Variants in DRAM2 observed in about 807,000 individuals in gnomAD.
The protein encoded by DRAM2 is DNA damage regulated autophagy modulator 2, also known as DNA damage-regulated autophagy modulator protein 2.
In DRAM2, 26 loss-of-function variants were observed where a neutral mutation model predicts 33.5. That is an observed-to-expected ratio of 0.78 (90% CI 0.57 to 1.08). The LOEUF is 1.08. Ranked by LOEUF, DRAM2 falls within the 50% of genes least tolerant of loss-of-function variation. DRAM2 has a pLI of 0.00. For missense variants in DRAM2, 311 were observed against 318.1 expected, an observed-to-expected ratio of 0.98 and a Z score of 0.17; for synonymous variants, 98 against 109.5, an observed-to-expected ratio of 0.89 and a Z score of 0.66.
intron 3 of DRAM2, among the ~76,000 whole-genome samples, chr1:111,133,737 A>G (rs970269489): frequency 5.3e-5 from 8 of 152,350 alleles, no homozygotes; most frequent in African/African-American, 2.4e-5. Flanking sequence ...CTAGTGCCCA[A>G]TCAACTATGC....
chr1:111,132,921 C>T (rs1652395796), intron 3 of DRAM2, among the ~76,000 whole-genome samples: 1 of 151,966 alleles, frequency 6.6e-6, no homozygotes. Context: ...CTCAAGAAAT[C>T]CTCCCACTTC....
chr1:111,139,227 T>C (rs548552914), intron 2 of DRAM2: 5 of 152,312 alleles, frequency 3.3e-5, no homozygotes, highest in Admixed American at 3.3e-4. Flanking sequence ...AGAGTTGCAT[T>C]TGGTTACTGA....
chr1:111,121,094 T>C (rs1649961454), intron 6 of DRAM2, among the ~76,000 whole-genome samples: 1 of 151,986 alleles, frequency 6.6e-6, no homozygotes, highest in South Asian at 2.1e-4. Context: ...ACTTCAGAAA[T>C]AAGGAAATTC....
intron 7 of DRAM2, 66 bp downstream of exon 7, chr1:111,120,450 G>C (rs1200664364): frequency 2.5e-5 from 13 of 528,864 alleles, no homozygotes; most frequent in Non-Finnish European, 3.4e-5. Context: ...TGCACCAATA[G>C]TGTTTACTTA....
chr1:111,139,795 A>G (rs2101173198), intron 1 of DRAM2, 129 bp from the exon 2 acceptor site: 1 of 152,884 alleles, frequency 6.5e-6, no homozygotes, highest in East Asian at 1.9e-4. Context: ...AGCTGCACTC[A>G]TCCCCGCCCC....
chr1:111,131,059 A>G (rs1202422944), intron 4 of DRAM2, among the ~76,000 whole-genome samples: 2 of 152,036 alleles, frequency 1.3e-5, no homozygotes, highest in African/African-American at 2.4e-5. Context: ...ATATTAAGAC[A>G]TGTTTGTCAT....
chr1:111,120,903 A>G (rs1649925858), intron 6 of DRAM2, among the ~76,000 whole-genome samples: 1 of 152,102 alleles, frequency 6.6e-6, no homozygotes, highest in East Asian at 1.9e-4. Context: ...AAACTATTTC[A>G]TATACCTCCA....
intron 4 of DRAM2, among the ~76,000 whole-genome samples, chr1:111,131,017 A>C (rs558451697): frequency 6.6e-6 from 1 of 152,294 alleles, no homozygotes; most frequent in Non-Finnish European, 1.5e-5. Flanking sequence ...ATCTCCAAAA[A>C]AAAAAAGAAA....
At chr1:111,119,851 T>G (rs1557881992) in intron 8 of DRAM2, 26 bp downstream of exon 8, 1 of 1,571,958 alleles carries the variant, frequency 6.4e-7, no homozygotes, top group Non-Finnish European at 8.7e-7. Context: ...AATATAAAAC[T>G]AAGTTTATAG....
chr1:111,131,645 G>A (rs1652110566), intron 3 of DRAM2, 77 bp from the exon 4 acceptor site: 1 of 1,415,440 alleles, frequency 7.1e-7, no homozygotes, highest in Non-Finnish European at 9.7e-7. Context: ...CATGCCCACA[G>A]CCTTGTACTT....
intron 3 of DRAM2, among the ~76,000 whole-genome samples, chr1:111,134,871 A>G (rs947040896): frequency 2.6e-5 from 4 of 152,092 alleles, no homozygotes; most frequent in African/African-American, 9.6e-5. Context: ...TGTTTTTTCC[A>G]GACAGTATGG....
chr1:111,128,369 GA>G (rs1448284711), intron 4 of DRAM2, among the ~76,000 whole-genome samples: 1 of 151,982 alleles, frequency 6.6e-6, no homozygotes, highest in Admixed American at 6.6e-5. Flanking sequence ...TTCATTAGCA[GA>G]AAAATCAAAA....
chr1:111,124,281 C>T (rs1398193527), intron 6 of DRAM2, among the ~76,000 whole-genome samples: 1 of 152,154 alleles, frequency 6.6e-6, no homozygotes, highest in South Asian at 2.1e-4. Flanking sequence ...ACAGTTCTTC[C>T]TTTCATTTCC....
chr1:111,120,560 A>G lies in DRAM2; in HGVS notation c.473T>C (p.Ile158Thr), dbSNP rs1261559814. 5.6e-6 allele frequency: 9 copies of G among 1,612,276 alleles called. No individual in the cohort carries two copies. Among genetic ancestry groups the G allele is most frequent in the African/African-American group, 1.3e-5 (1 of 74,802 alleles). The change falls in exon 7 of 10, where the codon ATC becomes ACC. Residue 158 changes from isoleucine (I) to threonine (T), a missense_variant. Ile to Thr is a moderately conservative substitution (Grantham distance 89). Coordinates refer to ENST00000484310, the MANE Select transcript of DRAM2 (RefSeq NM_001349884.2). Reference sequence around the variant, plus strand: ...ACACCAGATAACCAACAACAGTCTGATCCAGAAGACTTGTTTGCCATGGAT... The same window carrying G: ...ACACCAGATAACCAACAACAGTCTGGTCCAGAAGACTTGTTTGCCATGGAT... ...PKIHGKQVFW[I>T]RLLLVIWCGV...
intron 3 of DRAM2, among the ~76,000 whole-genome samples, chr1:111,136,042 T>A (rs909793839): frequency 6.6e-6 from 1 of 152,210 alleles, no homozygotes; most frequent in African/African-American, 2.4e-5. Flanking sequence ...GCAATTCTAT[T>A]TCTACAAGTC....
chr1:111,121,075 TA>T (rs1649959297), intron 6 of DRAM2, among the ~76,000 whole-genome samples: 1 of 151,922 alleles, frequency 6.6e-6, no homozygotes, highest in African/African-American at 2.4e-5. Context: ...ACATAAACAA[TA>T]AATATAAACT....
intron 6 of DRAM2, 78 bp downstream of exon 6, chr1:111,124,664 T>G: frequency 6.8e-7 from 1 of 1,478,094 alleles, no homozygotes; most frequent in South Asian, 1.3e-5. Flanking sequence ...AGCATGTAAC[T>G]GAATGCTTCA....
chr1:111,125,729 A>G (rs1650884170), intron 5 of DRAM2: 2 of 152,444 alleles, frequency 1.3e-5, no homozygotes, highest in Non-Finnish European at 1.5e-5. Context: ...ATGTGAGTAA[A>G]CCATTAATAA....
intron 4 of DRAM2, among the ~76,000 whole-genome samples, chr1:111,127,519 G>C (rs906784608): frequency 6.6e-6 from 1 of 151,522 alleles, no homozygotes; most frequent in African/African-American, 2.4e-5. Context: ...TATTTGTAAA[G>C]AAACAATTAT....
Sources: gnomAD v4.1 joint callset for allele counts (sites outside exome capture counted in the v4.1 genomes callset) on GRCh38, gnomAD v4.1.1 for gene constraint, MANE v1.5 for transcripts, NCBI Gene and HGNC (gene_info 2026-07-23, HGNC 2026-07-21) for gene names.